Variants in FAM107B observed in about 807,000 individuals in gnomAD.
The protein encoded by FAM107B is protein FAM107B.
In FAM107B, 21 loss-of-function variants were observed where a neutral mutation model predicts 31.5. The ratio of observed to expected loss-of-function variants is 0.67; its 90% CI spans 0.47 to 0.96. The LOEUF (loss-of-function observed/expected upper bound fraction) is 0.96, where lower values mean the gene tolerates loss of function less well. FAM107B is among the 40% of genes least tolerant of loss of function. The pLI is 0.00. For synonymous variants in FAM107B, 157 were observed against 141.5 expected (o/e 1.11, Z -0.78); for missense variants, 452 against 377.1 (o/e 1.20, Z -1.64).
intron 2 of FAM107B, among the ~76,000 whole-genome samples, chr10:14,569,808 T>C (rs947117048): frequency 5.3e-5 from 8 of 152,154 alleles, no homozygotes; most frequent in Non-Finnish European, 8.8e-5. Context: ...CCAAACAAGA[T>C]CTGGGACTCT....
At chr10:14,718,887 C>T (rs1855844117) in intron 1 of FAM107B, among the ~76,000 whole-genome samples, 1 of 152,058 alleles carries the variant, frequency 6.6e-6, no homozygotes, top group Non-Finnish European at 1.5e-5. Context: ...GTAGTATAGC[C>T]ATGATCATTT....
At chr10:14,656,543 C>G (rs1854060703) in intron 2 of FAM107B, among the ~76,000 whole-genome samples, 1 of 152,100 alleles carries the variant, frequency 6.6e-6, no homozygotes, top group African/African-American at 2.4e-5. Context: ...GCATGCAATA[C>G]AAGTTCTTCT....
At chr10:14,694,945 A>G (rs1855230118) in intron 1 of FAM107B, among the ~76,000 whole-genome samples, 1 of 152,142 alleles carries the variant, frequency 6.6e-6, no homozygotes, top group Non-Finnish European at 1.5e-5. Context: ...CCCAATGTAT[A>G]GGTTGCTGTT....
intron 1 of FAM107B, among the ~76,000 whole-genome samples, chr10:14,685,434 G>T (rs1854960670): frequency 6.6e-6 from 1 of 152,150 alleles, no homozygotes; most frequent in Non-Finnish European, 1.5e-5. Context: ...ATTATAGTGT[G>T]AGCCACTGCA....
chr10:14,604,411 G>C (rs1408068082), intron 2 of FAM107B: 3 of 209,346 alleles, frequency 1.4e-5, no homozygotes, highest in African/African-American at 2.4e-5. Flanking sequence ...CGCTCCCCGC[G>C]GCCCCGCGCG....
At chr10:14,644,954 C>T (rs3847358) in intron 2 of FAM107B, among the ~76,000 whole-genome samples, 51,924 of 152,076 alleles carry the variant, frequency 0.34, 9,211 homozygotes, top group East Asian at 0.58. Context: ...TAAATATTAA[C>T]TTCCTTACTT....
intron 2 of FAM107B, among the ~76,000 whole-genome samples, chr10:14,533,878 C>T (rs1022563629): frequency 8.5e-5 from 13 of 152,132 alleles, no homozygotes; most frequent in African/African-American, 3.1e-4. Flanking sequence ...GTGAGGGGCA[C>T]CCAAGCCTGT....
At chr10:14,676,908 G>A (rs1331651871) in intron 1 of FAM107B, among the ~76,000 whole-genome samples, 1 of 152,222 alleles carries the variant, frequency 6.6e-6, no homozygotes, top group Admixed American at 6.5e-5. Flanking sequence ...CCGGGTGATT[G>A]CTGTAGGGAG....
intron 2 of FAM107B, among the ~76,000 whole-genome samples, chr10:14,627,286 T>C (rs1853190123): frequency 6.6e-6 from 1 of 152,252 alleles, no homozygotes; most frequent in Non-Finnish European, 1.5e-5. Context: ...AGTCCTAATT[T>C]TCTCCATCCC....
intron 2 of FAM107B, among the ~76,000 whole-genome samples, chr10:14,546,483 C>T (rs1330148390): frequency 6.6e-6 from 1 of 152,160 alleles, no homozygotes; most frequent in Non-Finnish European, 1.5e-5. Context: ...AATAACAGCT[C>T]GACAGTTTTA....
At chr10:14,650,232 G>A (rs1853864814) in intron 2 of FAM107B, among the ~76,000 whole-genome samples, 1 of 151,926 alleles carries the variant, frequency 6.6e-6, no homozygotes, top group Non-Finnish European at 1.5e-5. Flanking sequence ...CATTAGGAAG[G>A]TTATATAAGC....
intron 1 of FAM107B, chr10:14,723,773 C>T: frequency 1.3e-6 from 1 of 757,906 alleles, no homozygotes; most frequent in Non-Finnish European, 2.4e-6. Context: ...AGAGTGGCTC[C>T]AGTGGCAGCA....
chr10:14,578,268 C>A (rs1040692331), intron 2 of FAM107B, among the ~76,000 whole-genome samples: 1 of 152,204 alleles, frequency 6.6e-6, no homozygotes, highest in Non-Finnish European at 1.5e-5. Flanking sequence ...GATGCTGGAT[C>A]CTTCATTTGG....
intron 2 of FAM107B, among the ~76,000 whole-genome samples, chr10:14,578,041 T>C (rs1007831768): frequency 2.0e-5 from 3 of 152,156 alleles, no homozygotes; most frequent in African/African-American, 7.2e-5. Flanking sequence ...AATAAGAGCT[T>C]CACAGGGCTC....
Position 14,609,958 on chromosome 10 carries a change from C to A in FAM107B, c.469+57676G>T, listed in dbSNP as rs565171790. Among the ~76,000 whole-genome samples the A allele has an allele frequency of 3.3e-5, 5 of 152,294 alleles. No homozygotes were observed. In the East Asian group the frequency reaches 9.6e-4, roughly 29 times the overall value. ...ATTCTTATTGAGTAATAACCGAATT[C>A]CCACATGGTCCGTTCAGTGGTTACC... On this transcript the variant is annotated intron_variant, in intron 2 of 4. Transcript: ENST00000181796.
At chr10:14,658,654 C>T (rs1854137799) in intron 2 of FAM107B, among the ~76,000 whole-genome samples, 1 of 152,244 alleles carries the variant, frequency 6.6e-6, no homozygotes, top group African/African-American at 2.4e-5. Flanking sequence ...CAGTTTCTGA[C>T]TCATCTGCTT....
intron 2 of FAM107B, among the ~76,000 whole-genome samples, chr10:14,654,646 G>A (rs1298264668): frequency 6.6e-6 from 1 of 152,106 alleles, no homozygotes; most frequent in South Asian, 2.1e-4. Flanking sequence ...AAATATTTTG[G>A]CCCACATAGG....
rs1851375152 is a variant in FAM107B, at chr10:14,573,822, C to T, written c.470-43307G>A. 2.0e-5 allele frequency among the ~76,000 whole-genome samples: 3 copies of T among 152,188 alleles called. No homozygotes were observed. In the South Asian group the frequency reaches 6.2e-4, roughly 32 times the overall value. The stretch of plus-strand genomic sequence containing the variant: ...TACGGCAGCATAGAACAGACTACAA[C>T]AGCATCTATAAACAATGCTGTTTGA... On this transcript the variant is annotated intron_variant, in intron 2 of 4. Transcript: ENST00000181796.
At chr10:14,672,269 G>A (rs765705715) in intron 1 of FAM107B, among the ~76,000 whole-genome samples, 19 of 151,822 alleles carry the variant, frequency 1.3e-4, no homozygotes, top group Non-Finnish European at 1.5e-5. Context: ...TTGTATTTTA[G>A]TGGAGACGGG....
Sources: allele counts gnomAD v4.1 joint callset (sites outside exome capture counted in the v4.1 genomes callset), GRCh38; gene constraint gnomAD v4.1.1; transcripts MANE v1.5; gene names NCBI Gene and HGNC (gene_info 2026-07-23, HGNC 2026-07-21).